The following CCDC201 variants were observed in gnomAD, a reference collection of about 807,000 sequenced individuals.
The protein encoded by CCDC201 is coiled-coil domain containing 201.
chr7:45,882,312 C>G, the CCDC201 span, among the ~76,000 whole-genome samples: 1 of 152,176 alleles, frequency 6.6e-6, no homozygotes, highest in African/African-American at 2.4e-5. Flanking sequence ...GAACGAGCCA[C>G]CGTGCTGCTC....
intron 2 of CCDC201, among the ~76,000 whole-genome samples, chr7:45,863,763 C>T (rs530822518): frequency 2.6e-4 from 39 of 152,112 alleles, no homozygotes; most frequent in Non-Finnish European, 4.6e-4. Flanking sequence ...CCAACAATGG[C>T]AGGCCCACCA....
At chr7:45,868,327 G>A (rs1215426884) in intron 1 of CCDC201, among the ~76,000 whole-genome samples, 1 of 152,176 alleles carries the variant, frequency 6.6e-6, no homozygotes, top group African/African-American at 2.4e-5. Context: ...GGCCAAAAGA[G>A]CACAGCATGG....
exon 2 of CCDC201, chr7:45,866,421 A>C (rs959309319): frequency 2.0e-5 from 3 of 152,358 alleles, no homozygotes; most frequent in African/African-American, 7.2e-5. Flanking sequence ...GCTGTGTTTC[A>C]GGGGCTTTCT....
exon 3 of CCDC201, chr7:45,861,159 TCAAA>T (rs1464195097): frequency 1.3e-5 from 2 of 152,190 alleles, no homozygotes; most frequent in Non-Finnish European, 2.9e-5. Context: ...TCACTTTGCA[TCAAA>T]CACAGACCAC....
chr7:45,862,305 C>G (rs74887679), exon 3 of CCDC201: 9,782 of 152,336 alleles, frequency 0.064, 390 homozygotes, highest in East Asian at 0.19. Flanking sequence ...TGTGGTGACT[C>G]CTGGAGACTT....
chr7:45,866,441 GCTC>G (rs1176762408), exon 2 of CCDC201: 1 of 152,308 alleles, frequency 6.6e-6, no homozygotes, highest in Non-Finnish European at 1.5e-5. Flanking sequence ...TCAAGGTGGG[GCTC>G]CTGATTGCTA....
intron 1 of CCDC201, among the ~76,000 whole-genome samples, chr7:45,871,286 T>C (rs1786740598): frequency 6.6e-6 from 1 of 151,518 alleles, no homozygotes; most frequent in African/African-American, 2.4e-5. Flanking sequence ...AAAAAAATAA[T>C]AACAGCAAAG....
chr7:45,883,961 CTTTCTTTT>C, the CCDC201 span, among the ~76,000 whole-genome samples: 1 of 151,804 alleles, frequency 6.6e-6, no homozygotes, highest in Non-Finnish European at 1.5e-5. Context: ...ACCGATCTTT[CTTTCTTTT>C]TCTTTCTTTC....
intron 2 of CCDC201, among the ~76,000 whole-genome samples, chr7:45,865,701 C>A (rs1786660678): frequency 6.6e-6 from 1 of 152,340 alleles, no homozygotes; most frequent in Non-Finnish European, 1.5e-5. Context: ...AGCCAGCCAG[C>A]GGCAGCCTGG....
exon 3 of CCDC201, chr7:45,863,079 A>C (rs1472489239): frequency 6.6e-6 from 1 of 152,188 alleles, no homozygotes; most frequent in Non-Finnish European, 1.5e-5. Context: ...TCCTGGCACC[A>C]AGCACTCAGT....
At chr7:45,862,447 AG>A (rs1786614956) in exon 3 of CCDC201, 1 of 152,142 alleles carries the variant, frequency 6.6e-6, no homozygotes, top group Non-Finnish European at 1.5e-5. Context: ...GGTACCCTCT[AG>A]GGGTGGGACT....
the CCDC201 span, among the ~76,000 whole-genome samples, chr7:45,881,783 G>A: frequency 6.6e-6 from 1 of 152,176 alleles, no homozygotes; most frequent in Non-Finnish European, 1.5e-5. Flanking sequence ...TTCAGACCCT[G>A]GTCTTCTGAC....
At chr7:45,884,058 C>T in the CCDC201 span, among the ~76,000 whole-genome samples, 1 of 148,758 alleles carries the variant, frequency 6.7e-6, no homozygotes, top group African/African-American at 2.5e-5. Flanking sequence ...CTCCATCTCT[C>T]TCCTTCCTCC....
chr7:45,879,376 A>C, the CCDC201 span, among the ~76,000 whole-genome samples: 1 of 152,216 alleles, frequency 6.6e-6, no homozygotes, highest in Admixed American at 6.5e-5. Flanking sequence ...AATTTTCTGC[A>C]TTAGTTCATT....
upstream of CCDC201, among the ~76,000 whole-genome samples, chr7:45,874,041 TC>T (rs1217377322): frequency 2.7e-5 from 4 of 150,336 alleles, no homozygotes; most frequent in African/African-American, 2.4e-5. Context: ...TGCTTCTGCC[TC>T]CCAAGTAGCT....
At chr7:45,883,310 C>T in the CCDC201 span, among the ~76,000 whole-genome samples, 34 of 152,226 alleles carry the variant, frequency 2.2e-4, no homozygotes, top group Non-Finnish European at 4.7e-4. Flanking sequence ...CACAGAAGTA[C>T]GTAGATAGGC....
chr7:45,880,896 G>T, the CCDC201 span, among the ~76,000 whole-genome samples: 1 of 152,154 alleles, frequency 6.6e-6, no homozygotes, highest in Non-Finnish European at 1.5e-5. Flanking sequence ...GGCAGCCCTG[G>T]TGTTTGTGTT....
At chr7:45,868,439 C>T (rs933926543) in intron 1 of CCDC201, among the ~76,000 whole-genome samples, 2 of 152,168 alleles carry the variant, frequency 1.3e-5, no homozygotes, top group African/African-American at 4.8e-5. Context: ...TGTGGGAGAA[C>T]CCCACAAAGG....
At chr7:45,877,664 T>C (rs1228244669), upstream of CCDC201, among the ~76,000 whole-genome samples, 1 of 152,080 alleles carries the variant, frequency 6.6e-6, no homozygotes, top group Non-Finnish European at 1.5e-5. Context: ...GCTAAACCAT[T>C]AGAAACCACT....
Sources: allele counts gnomAD v4.1 joint callset (sites outside exome capture counted in the v4.1 genomes callset), GRCh38; gene constraint gnomAD v4.1.1; transcripts MANE v1.5; gene names NCBI Gene and HGNC (gene_info 2026-07-23, HGNC 2026-07-21).